ACSL6: variants seen among roughly 807,000 people sequenced by gnomAD.
ACSL6 encodes the protein acyl-CoA synthetase long chain family member 6, also known as long-chain-fatty-acid--CoA ligase 6.
In ACSL6, 47 loss-of-function variants were observed where a neutral mutation model predicts 98.2. The ratio of observed to expected loss-of-function variants is 0.48; its 90% CI spans 0.38 to 0.61. ACSL6 has a LOEUF of 0.61. Among genes scored for constraint, ACSL6 ranks in the 20% least tolerant of loss-of-function variants. ACSL6 has a pLI of 0.00. For missense variants in ACSL6, 761 were observed against 913.4 expected, an observed-to-expected ratio of 0.83 and a Z score of 2.15; for synonymous variants, 362 against 336.9, an observed-to-expected ratio of 1.07 and a Z score of -0.82.
rs1753943788 is a variant in ACSL6 at position 131,982,259 on chromosome 5, T to C, written c.916+3148A>G. The C allele has an allele frequency of 1.4e-5, 2 of 144,660 alleles. 1 individual carries two copies. Among genetic ancestry groups the C allele is most frequent in the South Asian group, 4.6e-4 (2 of 4,342 alleles). 9.0% of individuals were successfully genotyped at this position (144,660 alleles called of 1,614,324 possible). A position where few individuals can be genotyped will look rare whatever the true frequency, so the allele number is the denominator to read the frequency against. On this transcript the variant is annotated intron_variant, in intron 9 of 20. Transcript: ENST00000651883. Reference sequence around the variant, plus strand: ...CCCGGGTTCACGCCATTCTCCTGCCTCAGCCTCCCAAGTAGCTGGGACTAC... The same window carrying C: ...CCCGGGTTCACGCCATTCTCCTGCCCCAGCCTCCCAAGTAGCTGGGACTAC...
At chr5:131,964,391 A>G (rs1580632579) in intron 17 of ACSL6, among the ~76,000 whole-genome samples, 2 of 152,382 alleles carry the variant, frequency 1.3e-5, no homozygotes, top group Admixed American at 6.5e-5. Flanking sequence ...ATAAATTTTA[A>G]TTAAATTTCA....
At chr5:131,986,576 G>A (rs1754194873) in intron 8 of ACSL6, among the ~76,000 whole-genome samples, 1 of 152,216 alleles carries the variant, frequency 6.6e-6, no homozygotes, top group South Asian at 2.1e-4. Context: ...GTTACTTGAA[G>A]AACCAAGGGT....
In ACSL6 at chr5:132,010,270, A is replaced by T. The variant is rs1442989538; in HGVS notation, c.49+1235T>A. 2.0e-5 allele frequency among the ~76,000 whole-genome samples: 3 copies of T among 152,278 alleles called. No individual in the cohort carries two copies. The East Asian group carries it at 5.8e-4, about 29-fold the overall frequency. On this transcript the variant is annotated intron_variant, in intron 1 of 20. Transcript: ENST00000651883. ...GGAAATGGTGGGGGTGAAGGAAGTG[A>T]TTACTAGGCCCACCAACCCTCCAGG...
At chr5:131,960,250 C>T (rs1390890382) in intron 19 of ACSL6, among the ~76,000 whole-genome samples, 1 of 151,682 alleles carries the variant, frequency 6.6e-6, no homozygotes, top group Non-Finnish European at 1.5e-5. Context: ...GGACTCTCCT[C>T]TAAGCCACAA....
Position 131,988,805 on chromosome 5 carries a change from C to G in ACSL6, c.652G>C (p.Ala218Pro). The change falls in exon 6 of 21, where the codon GCG (alanine) becomes CCG (proline). Residue 218 changes from alanine to proline, a missense_variant and splice_region_variant. Coordinates refer to ENST00000651883, the MANE Select transcript of ACSL6 (RefSeq NM_001009185.3). Reference protein sequence around the residue: ...PGAIRYIINTADISTVIVDKP... With the variant: ...PGAIRYIINTPDISTVIVDKP... ...CAGGGTGGGGTGGCAGTGGGCTTACCTGTATTGATGATGTAGCGGATAGCC... is the reference window on the plus strand; with the variant it reads ...CAGGGTGGGGTGGCAGTGGGCTTACGTGTATTGATGATGTAGCGGATAGCC... 1 of 1,613,566 alleles carries G rather than the reference C, an allele frequency of 6.2e-7. No individual in the cohort carries two copies. The highest frequency in any genetic ancestry group is 8.5e-7 in the Non-Finnish European group (1 of 1,179,842).
rs777441277 is a variant in ACSL6 at position 132,011,509 on chromosome 5, G to A, written c.45C>T (p.Phe15=). 1 of 1,609,180 alleles carries A rather than the reference G, an allele frequency of 6.2e-7. No homozygotes were observed. The highest frequency in any genetic ancestry group is 1.1e-5 in the South Asian group (1 of 90,960). Residue 15 remains phenylalanine (F), a synonymous_variant, in exon 1 of 21, where the codon TTC becomes TTT. Coordinates refer to ENST00000651883, the MANE Select transcript of ACSL6 (RefSeq NM_001009185.3). This position sits in a 1 kb window ranked among gnomAD's most constrained non-coding sequence, Gnocchi z 5.4. ...GCGGACAGGACGGGCACTTACCTAC[G>A]AATAGCCAGAGGGAGCCCCCCGACA... ...FLVSGGSLWL[F]VEFVLSLLEK...
In ACSL6 at chr5:131,960,620, G is replaced by A. The variant is rs538979289; in HGVS notation, c.1859C>T (p.Ala620Val). Reference protein sequence around the residue: ...QIYVHGDSLKAFLVGIVVPDP... With the variant: ...QIYVHGDSLKVFLVGIVVPDP... Reference sequence around the variant, plus strand: ...AGGCACAACAATGCCTACCAAAAAGGCCTGCAGTGCTCACCAAAGGAGAAC... The same window carrying A: ...AGGCACAACAATGCCTACCAAAAAGACCTGCAGTGCTCACCAAAGGAGAAC... Residue 620 changes from alanine (A) to valine (V), a missense_variant and splice_region_variant, in exon 19 of 21, where the codon GCC (alanine) becomes GTC (valine). Ala to Val is a moderately conservative substitution (Grantham distance 64). Transcript: ENST00000651883. The A allele has an allele frequency of 6.2e-7, 1 of 1,612,742 alleles. No homozygotes were observed. Among genetic ancestry groups the A allele is most frequent in the South Asian group, 1.1e-5 (1 of 90,738 alleles).
rs562633512 is a variant in ACSL6 at position 131,990,838 on chromosome 5, C to T, written c.385+15G>A. On this transcript the variant is annotated intron_variant, in intron 3 of 20. Coordinates refer to ENST00000651883, the MANE Select transcript of ACSL6 (RefSeq NM_001009185.3). ...CACACAGCCCCTCCACACCCCCCCC[C>T]ACAACCCTTCTCACCTGAGATGCTA... is the stretch of plus-strand genomic sequence containing the variant. 4.8e-5 allele frequency: 75 copies of T among 1,562,344 alleles called. No homozygotes were observed. Among genetic ancestry groups the T allele is most frequent in the African/African-American group, 1.3e-4 (9 of 70,528 alleles).
In ACSL6 at chr5:131,971,618, T is replaced by G; in HGVS notation, c.1366A>C (p.Ile456Leu). 1 of 1,612,094 alleles carries G rather than the reference T, an allele frequency of 6.2e-7. No individual in the cohort carries two copies. Among genetic ancestry groups the G allele is most frequent in the Middle Eastern group, 1.7e-4 (1 of 6,052 alleles). ...QASLGGCVRM[I>L]VTGAAPASPT... ...GATGCTGGGGCTGCTCCAGTAACAA[T>G]CATCCGCACACACCCACCAAGACTG... Residue 456 changes from isoleucine (I) to leucine (L), a missense_variant, in exon 14 of 21, where the codon ATT becomes CTT. By Grantham distance (5) the Ile-to-Leu change is conservative. Coordinates refer to ENST00000651883, the MANE Select transcript of ACSL6 (RefSeq NM_001009185.3).
intron 18 of ACSL6, among the ~76,000 whole-genome samples, chr5:131,961,545 A>AT (rs2149691273): frequency 6.6e-6 from 1 of 151,706 alleles, no homozygotes; most frequent in African/African-American, 2.4e-5. Context: ...ATAAAAAAAA[A>AT]ATATATCCAG....
chr5:131,975,409 C>A, intron 10 of ACSL6: 1 of 985,430 alleles, frequency 1.0e-6, no homozygotes. Context: ...GCCCCACACC[C>A]CATTTCTCCA....
intron 9 of ACSL6, among the ~76,000 whole-genome samples, chr5:131,977,453 T>C (rs998320406): frequency 1.3e-5 from 2 of 152,068 alleles, no homozygotes; most frequent in African/African-American, 4.8e-5. Flanking sequence ...ATCCCAAAGT[T>C]CCTGCCGGAC....
intron 9 of ACSL6, chr5:131,984,309 A>C (rs779729045): frequency 4.6e-5 from 7 of 152,270 alleles, no homozygotes; most frequent in Non-Finnish European, 8.8e-5. Context: ...CAGGTCTGTC[A>C]AATGCCTTAG....
chr5:131,971,687 A>G, intron 13 of ACSL6, 42 bp from the exon 14 acceptor site: 1 of 1,541,790 alleles, frequency 6.5e-7, no homozygotes, highest in Middle Eastern at 1.7e-4. Context: ...GTGATGTCTG[A>G]GATGGTGTCC....
chr5:131,955,218 T>C (rs1752337431), intron 20 of ACSL6, among the ~76,000 whole-genome samples: 1 of 152,174 alleles, frequency 6.6e-6, no homozygotes, highest in African/African-American at 2.4e-5. Context: ...TGGCTAAAGA[T>C]AGGTATCATC....
At chr5:131,998,056 C>T (rs979393690) in intron 1 of ACSL6, among the ~76,000 whole-genome samples, 3 of 152,158 alleles carry the variant, frequency 2.0e-5, no homozygotes, top group African/African-American at 7.2e-5. Context: ...GGGCCTTGGC[C>T]TCCTCTGACC....
At chr5:131,981,371 C>CAA (rs2126861107) in intron 9 of ACSL6, among the ~76,000 whole-genome samples, 1 of 143,322 alleles carries the variant, frequency 7.0e-6, no homozygotes, top group South Asian at 2.3e-4. Context: ...AAGTATAACA[C>CAA]ACACATGGAA....
At chr5:131,991,062 G>A in intron 2 of ACSL6, 95 bp from the exon 3 acceptor site, 1 of 1,020,738 alleles carries the variant, frequency 9.8e-7, no homozygotes. Context: ...CAGCTCGGAT[G>A]TACAACCCGT....
At chr5:132,008,223 C>T (rs767145480) in intron 1 of ACSL6, among the ~76,000 whole-genome samples, 3 of 152,208 alleles carry the variant, frequency 2.0e-5, no homozygotes, top group Non-Finnish European at 2.9e-5. Flanking sequence ...ATCTCCAAAC[C>T]CCTGGGGTGG....
Sources: gnomAD v4.1 joint callset for allele counts (sites outside exome capture counted in the v4.1 genomes callset) on GRCh38, gnomAD v4.1.1 for gene constraint, Gnocchi (gnomAD v3.1) non-coding constraint, MANE v1.5 for transcripts, NCBI Gene and HGNC (gene_info 2026-07-23, HGNC 2026-07-21) for gene names.